ZNF106: variants seen among roughly 807,000 people sequenced by gnomAD.
ZNF106 encodes the protein zinc finger protein 106.
ZNF106 carries 67 observed loss-of-function variants against 195.1 expected under a neutral mutation model. The observed-to-expected ratio is 0.34, with a 90% CI of 0.28 to 0.42. The LOEUF (loss-of-function observed/expected upper bound fraction) is 0.42, where lower values mean the gene tolerates loss of function less well. ZNF106 is among the 10% of genes least tolerant of loss of function. The probability of loss-of-function intolerance (pLI) is 1.00; values close to 1 mark genes in which losing one functional copy is unlikely to be tolerated. For synonymous variants in ZNF106, 784 were observed against 818.6 expected (o/e 0.96, Z 0.72); for missense variants, 2,118 against 2,304.5 (o/e 0.92, Z 1.66).
chr15:42,476,456 C>A (rs1173677133), intron 1 of ZNF106, among the ~76,000 whole-genome samples: 29 of 152,076 alleles, frequency 1.9e-4, no homozygotes, highest in Non-Finnish European at 1.5e-5. Context: ...AATAAGGAAT[C>A]CAAACCTACT....
chr15:42,463,133 G>A (rs1187982423), intron 3 of ZNF106, among the ~76,000 whole-genome samples: 1 of 152,004 alleles, frequency 6.6e-6, no homozygotes, highest in Non-Finnish European at 1.5e-5. Context: ...GATGATTAGT[G>A]ACGTCTGAAA....
chr15:42,464,897 T>C (rs1426494130), intron 3 of ZNF106, among the ~76,000 whole-genome samples: 2 of 152,166 alleles, frequency 1.3e-5, no homozygotes, highest in African/African-American at 4.8e-5. Context: ...GTTTTATAAA[T>C]GGGAATTCCC....
At chr15:42,425,412 A>G (rs1391970849) in intron 15 of ZNF106, 2 of 171,522 alleles carry the variant, frequency 1.2e-5, no homozygotes, top group African/African-American at 4.8e-5. Flanking sequence ...TATTTCTGTC[A>G]TCCAAAATTT....
Position 42,439,448 on chromosome 15 carries a change from T to C in ZNF106, c.4129A>G (p.Lys1377Glu). The C allele has an allele frequency of 6.2e-7, 1 of 1,613,302 alleles. No homozygotes were observed. The highest frequency in any genetic ancestry group is 8.5e-7 in the Non-Finnish European group (1 of 1,179,850). Residue 1377 changes from lysine to glutamate, a missense_variant, in exon 11 of 22, where the codon AAA becomes GAA. Physicochemically the swap from Lys to Glu is moderately conservative, Grantham distance 56 (BLOSUM62 1). Transcript: ENST00000564754. ...CGTAGACTTTTCTTCTTCCGGAGTT[T>C]CTTCTTTTTCTTGCTTCCCCTAGTC... is the stretch of plus-strand genomic sequence containing the variant. ...AETRGSKKKK[K>E]LRKKKSLRAA...
chr15:42,484,615 G>A (rs926937283), intron 1 of ZNF106, among the ~76,000 whole-genome samples: 3 of 152,142 alleles, frequency 2.0e-5, no homozygotes, highest in Admixed American at 6.6e-5. Flanking sequence ...ATGCGTGCCC[G>A]TAGTCCCACA....
At chr15:42,431,658 A>G (rs1484738113) in intron 14 of ZNF106, among the ~76,000 whole-genome samples, 2 of 152,146 alleles carry the variant, frequency 1.3e-5, no homozygotes, top group Non-Finnish European at 2.9e-5. Flanking sequence ...TATTTTTAGT[A>G]GAGATGGGTT....
intron 5 of ZNF106, 68 bp downstream of exon 5, chr15:42,449,703 T>G (rs2055911476): frequency 6.6e-7 from 1 of 1,520,736 alleles, no homozygotes; most frequent in Non-Finnish European, 8.8e-7. Flanking sequence ...AGAATTCTCT[T>G]GATCAGGGTC....
chr15:42,474,808 T>C (rs2141430129), intron 1 of ZNF106, among the ~76,000 whole-genome samples: 1 of 152,246 alleles, frequency 6.6e-6, no homozygotes, highest in East Asian at 1.9e-4. Context: ...CAACAATGGT[T>C]TACTCTTTCA....
intron 2 of ZNF106, among the ~76,000 whole-genome samples, chr15:42,468,829 T>G (rs8036670): frequency 0.029 from 4,406 of 152,182 alleles, 228 homozygotes; most frequent in African/African-American, 0.1. Flanking sequence ...TAACTAAAAT[T>G]AACACTTGTG....
At chr15:42,475,963 G>A (rs1397717656) in intron 1 of ZNF106, among the ~76,000 whole-genome samples, 1 of 152,078 alleles carries the variant, frequency 6.6e-6, no homozygotes, top group African/African-American at 2.4e-5. Context: ...TACAAACTGT[G>A]CTTTTATTTG....
chr15:42,448,550 C>G lies in ZNF106; in HGVS notation c.2657G>C (p.Ser886Thr). ...GLARKRSLSE[S>T]SVIMDRAPSV... ...AGGAGCTCTGTCCATGATCACGCTG[C>G]TCTCAGAAAGGCTTCGCTTTCTTGC... The change falls in exon 6 of 22, where the codon AGC becomes ACC. Residue 886 changes from serine to threonine, a missense_variant. By Grantham distance (58) the Ser-to-Thr change is moderately conservative (BLOSUM62 1). Transcript: ENST00000564754. 6.2e-7 allele frequency: 1 copy of G among 1,614,126 alleles called. No individual in the cohort carries two copies. Among genetic ancestry groups the G allele is most frequent in the Non-Finnish European group, 8.5e-7 (1 of 1,180,020 alleles).
At chr15:42,436,599 T>C (rs796662247) in intron 13 of ZNF106, among the ~76,000 whole-genome samples, 30 of 152,344 alleles carry the variant, frequency 2.0e-4, no homozygotes, top group African/African-American at 7.2e-4. Context: ...TCATTGTTCA[T>C]AAACATAATT....
At chr15:42,479,087 T>C (rs917811428) in intron 1 of ZNF106, among the ~76,000 whole-genome samples, 1 of 152,150 alleles carries the variant, frequency 6.6e-6, no homozygotes, top group Non-Finnish European at 1.5e-5. Context: ...TTAATCTTAT[T>C]AAGAGGCTAG....
intron 9 of ZNF106, 144 bp from the exon 10 acceptor site, chr15:42,442,558 TG>T: frequency 1.6e-6 from 1 of 635,566 alleles, no homozygotes; most frequent in Non-Finnish European, 2.6e-6. Context: ...CTCCGAAATA[TG>T]GAGAATATAA....
chr15:42,479,684 A>C (rs1278154146), intron 1 of ZNF106, among the ~76,000 whole-genome samples: 1 of 151,916 alleles, frequency 6.6e-6, no homozygotes, highest in Non-Finnish European at 1.5e-5. Flanking sequence ...TCTACTAATA[A>C]TATAAAAATT....
chr15:42,436,994 C>G (rs2055300188), intron 13 of ZNF106, among the ~76,000 whole-genome samples: 1 of 152,164 alleles, frequency 6.6e-6, no homozygotes, highest in Admixed American at 6.5e-5. Context: ...ACCCTGTAAG[C>G]AGGAGGGGAA....
intron 20 of ZNF106, among the ~76,000 whole-genome samples, chr15:42,420,639 A>C (rs961347867): frequency 1.3e-5 from 2 of 152,210 alleles, no homozygotes; most frequent in African/African-American, 2.4e-5. Flanking sequence ...TTAAGGGTTA[A>C]TCATCAGTCC....
In ZNF106 at chr15:42,457,139, G is replaced by C. The variant is rs919818267; in HGVS notation, c.136C>G (p.Arg46Gly). The C allele has an allele frequency of 1.2e-6, 2 of 1,614,016 alleles. No homozygotes were observed. The highest frequency in any genetic ancestry group is 1.7e-6 in the Non-Finnish European group (2 of 1,180,012). The change falls in exon 4 of 22, where the codon CGA becomes GGA. Residue 46 changes from arginine (R) to glycine (G), a missense_variant. Coordinates refer to ENST00000564754, the MANE Select transcript of ZNF106 (RefSeq NM_001366845.3). ...CCCACTTCTGTGACCCCGCACACTC[G>C]GCACTCATGACTAATGTCCCTAGGG... Reference protein sequence around the residue: ...LKGRDISHECRVCGVTEVGLS... With the variant: ...LKGRDISHECGVCGVTEVGLS...
rs1389925728 is a variant in ZNF106, at chr15:42,417,054, T to C, written c.*250A>G. The C allele has an allele frequency of 2.2e-6, 1 of 454,350 alleles. No homozygotes were observed. Among genetic ancestry groups the C allele is most frequent in the Non-Finnish European group, 3.9e-6 (1 of 253,344 alleles). 28.1% of individuals were successfully genotyped at this position (454,350 alleles called of 1,614,324 possible). On this transcript the variant is annotated 3_prime_UTR_variant, in exon 22 of 22. Transcript: ENST00000564754. ...AGAACGCAAATAGCATATATCACTA[T>C]ATGCCATGCTGTCCCAGAGAAGTAT...
Sources: allele counts gnomAD v4.1 joint callset (sites outside exome capture counted in the v4.1 genomes callset), GRCh38; gene constraint gnomAD v4.1.1; transcripts MANE v1.5; gene names NCBI Gene and HGNC (gene_info 2026-07-23, HGNC 2026-07-21).